Variants in TNR observed in about 807,000 individuals in gnomAD.
TNR encodes the protein tenascin-R.
In TNR, 45 loss-of-function variants were observed where a neutral mutation model predicts 150.4. That is an observed-to-expected ratio of 0.30 (90% CI 0.24 to 0.38). The LOEUF (loss-of-function observed/expected upper bound fraction) is 0.38. Ranked by LOEUF, TNR falls within the 10% of genes least tolerant of loss-of-function variation. TNR has a pLI of 1.00. For synonymous variants in TNR, 687 were observed against 678.4 expected (o/e 1.01, Z -0.20); for missense variants, 1,544 against 1,759.1 (o/e 0.88, Z 2.19).
At chr1:175,372,048 A>G (rs1557891758) in intron 9 of TNR, among the ~76,000 whole-genome samples, 1 of 152,024 alleles carries the variant, frequency 6.6e-6, no homozygotes, top group Non-Finnish European at 1.5e-5. Flanking sequence ...CCAGATAGTG[A>G]GTGAGTTCTC....
intron 9 of TNR, among the ~76,000 whole-genome samples, chr1:175,375,372 C>T (rs1312016942): frequency 6.6e-6 from 1 of 152,046 alleles, no homozygotes; most frequent in Non-Finnish European, 1.5e-5. Context: ...GACACAGAAG[C>T]CACTAGAGCA....
Position 175,585,738 on chromosome 1 carries a change from A to ACATG in TNR, c.-164-57373_-164-57370dup, listed in dbSNP as rs539936637. 1.1e-3 allele frequency among the ~76,000 whole-genome samples: 162 copies of ACATG among 152,274 alleles called. 1 individual carries two copies. Among genetic ancestry groups the ACATG allele is most frequent in the Admixed American group, 3.6e-3 (55 of 15,298 alleles). On this transcript the variant is annotated intron_variant, in intron 1 of 22. Coordinates refer to ENST00000367674, the MANE Select transcript of TNR (RefSeq NM_003285.3). ...CTTCAGTTGCTGAAAATCTGTTCTC[A>ACATG]CATGGTCAGCCTCCCACTTCCTTCC...
chr1:175,344,765 T>C (rs79677680), intron 18 of TNR, among the ~76,000 whole-genome samples: 1,839 of 152,330 alleles, frequency 0.012, 19 homozygotes, highest in African/African-American at 0.027. Flanking sequence ...CTGTGAATTC[T>C]ACCAAGAATT....
intron 2 of TNR, among the ~76,000 whole-genome samples, chr1:175,457,631 G>A (rs545222426): frequency 6.6e-6 from 1 of 152,266 alleles, no homozygotes; most frequent in South Asian, 2.1e-4. Context: ...TCAAAGCTAG[G>A]AGACCTTGAA....
At chr1:175,585,525 A>C (rs969348486) in intron 1 of TNR, among the ~76,000 whole-genome samples, 2 of 152,332 alleles carry the variant, frequency 1.3e-5, no homozygotes, top group African/African-American at 4.8e-5. Flanking sequence ...ACTTGAATGA[A>C]TACCATAGAT....
At chr1:175,453,581 G>A (rs1656424292) in intron 2 of TNR, among the ~76,000 whole-genome samples, 1 of 151,922 alleles carries the variant, frequency 6.6e-6, no homozygotes, top group East Asian at 1.9e-4. Context: ...ATTTTTCAGA[G>A]ACAAGGCATC....
intron 9 of TNR, among the ~76,000 whole-genome samples, chr1:175,369,479 T>C (rs746842582): frequency 6.6e-6 from 1 of 152,218 alleles, no homozygotes; most frequent in African/African-American, 2.4e-5. Context: ...ACCAGTCACA[T>C]TGAATTTAGG....
chr1:175,444,297 C>T (rs6425349), intron 2 of TNR, among the ~76,000 whole-genome samples: 37,713 of 151,984 alleles, frequency 0.25, 4,990 homozygotes, highest in East Asian at 0.5. Flanking sequence ...ATTTCGTGAC[C>T]GAGAAATCTA....
At chr1:175,419,378 C>A (rs1235192587) in intron 2 of TNR, among the ~76,000 whole-genome samples, 1 of 152,126 alleles carries the variant, frequency 6.6e-6, no homozygotes, top group East Asian at 1.9e-4. Flanking sequence ...ACTGACTGGG[C>A]TCTGAGGGAT....
intron 2 of TNR, among the ~76,000 whole-genome samples, chr1:175,468,384 A>G (rs552863178): frequency 7.3e-4 from 111 of 152,350 alleles, no homozygotes; most frequent in South Asian, 5.4e-3. Context: ...CATCTGGCAT[A>G]ATAATCACAC....
At chr1:175,524,336 G>T (rs1301621772) in intron 2 of TNR, among the ~76,000 whole-genome samples, 1 of 152,120 alleles carries the variant, frequency 6.6e-6, no homozygotes, top group Non-Finnish European at 1.5e-5. Flanking sequence ...TAAGTAAATG[G>T]TGAGAAGTGA....
chr1:175,588,181 C>T (rs184878052), intron 1 of TNR, among the ~76,000 whole-genome samples: 13 of 152,264 alleles, frequency 8.5e-5, no homozygotes, highest in East Asian at 1.9e-4. Context: ...ATTCCATAAC[C>T]GCTTAATGGC....
At chr1:175,521,979 T>C (rs1482736202) in intron 2 of TNR, among the ~76,000 whole-genome samples, 1 of 152,236 alleles carries the variant, frequency 6.6e-6, no homozygotes, top group Non-Finnish European at 1.5e-5. Flanking sequence ...ACATACTTCT[T>C]TTGTGTGGAC....
rs563205523 is a variant in TNR, at chr1:175,539,369, C to A, written c.-164-11000G>T. Among the ~76,000 whole-genome samples, 18 of 152,278 alleles carry A rather than the reference C, an allele frequency of 1.2e-4. 1 individual carries two copies. The South Asian group carries it at 3.7e-3, about 32-fold the overall frequency. ...CAGTCATGTACACCTGGAGACATGT[C>A]CACATGGTTTTGCATCAAAGATTTA... On this transcript the variant is annotated intron_variant, in intron 1 of 22. Coordinates refer to ENST00000367674, the MANE Select transcript of TNR (RefSeq NM_003285.3).
intron 1 of TNR, among the ~76,000 whole-genome samples, chr1:175,618,954 A>G (rs1390545854): frequency 6.6e-6 from 1 of 152,184 alleles, no homozygotes; most frequent in African/African-American, 2.4e-5. Context: ...TTGGTTTTCC[A>G]TCTGGCTGTT....
In TNR at chr1:175,616,048, G is replaced by A. The variant is rs1005442; in HGVS notation, c.-164-87679C>T. Among the ~76,000 whole-genome samples, 1,249 of 152,278 alleles carry A rather than the reference G, an allele frequency of 8.2e-3. 14 individuals are homozygous for A. Among genetic ancestry groups the A allele is most frequent in the African/African-American group, 0.028 (1,176 of 41,548 alleles). ...ATTTTTAAAAATAACTGAGAGAATG[G>A]CATGTGCATAGGCTCTGTTCTTTCT... On this transcript the variant is annotated intron_variant, in intron 1 of 22. Transcript: ENST00000367674.
At chr1:175,563,583 G>C (rs1400085369) in intron 1 of TNR, among the ~76,000 whole-genome samples, 5 of 152,134 alleles carry the variant, frequency 3.3e-5, no homozygotes, top group Non-Finnish European at 7.4e-5. Context: ...CTAATGAAGA[G>C]GGCATCCATC....
At chr1:175,471,116 C>A (rs61808381) in intron 2 of TNR, among the ~76,000 whole-genome samples, 17,868 of 152,236 alleles carry the variant, frequency 0.12, 1,172 homozygotes, top group Non-Finnish European at 0.16. Context: ...GCAATAAATA[C>A]ACCGCAATTA....
intron 1 of TNR, among the ~76,000 whole-genome samples, chr1:175,529,513 G>C (rs969560038): frequency 3.3e-5 from 5 of 152,220 alleles, no homozygotes; most frequent in Non-Finnish European, 7.3e-5. Flanking sequence ...GCATCACAGG[G>C]AAAGAACTGG....
Sources: allele counts gnomAD v4.1 joint callset (sites outside exome capture counted in the v4.1 genomes callset), GRCh38; gene constraint gnomAD v4.1.1; transcripts MANE v1.5; gene names NCBI Gene and HGNC (gene_info 2026-07-23, HGNC 2026-07-21).